TLK2: variants seen among roughly 807,000 people sequenced by gnomAD.
TLK2 encodes the protein serine/threonine-protein kinase tousled-like 2.
In TLK2, 6 loss-of-function variants were observed where a neutral mutation model predicts 117.3. The observed-to-expected ratio is 0.05, with a 90% CI of 0.03 to 0.10. The LOEUF (loss-of-function observed/expected upper bound fraction) is 0.10. Ranked by LOEUF, TLK2 falls within the 10% of genes least tolerant of loss-of-function variation. The pLI, the probability that TLK2 is intolerant of heterozygous loss-of-function variation, is 1.00. For synonymous variants in TLK2, 257 were observed against 316.7 expected, an observed-to-expected ratio of 0.81 and a Z score of 2.00; for missense variants, 299 against 901.2, an observed-to-expected ratio of 0.33 and a Z score of 8.56.
intron 16 of TLK2, among the ~76,000 whole-genome samples, chr17:62,589,283 T>C (rs910144484): frequency 7.2e-5 from 11 of 152,236 alleles, no homozygotes; most frequent in Non-Finnish European, 1.3e-4. Flanking sequence ...CTTAAAATTA[T>C]TTGCAGAAGT....
At chr17:62,518,978 G>A (rs951921650) in intron 2 of TLK2, among the ~76,000 whole-genome samples, 23 of 152,098 alleles carry the variant, frequency 1.5e-4, no homozygotes, top group African/African-American at 4.8e-4. Flanking sequence ...TCTACTTCTC[G>A]GGCTCAAGCG....
At chr17:62,564,287 C>T (rs543774403) in intron 10 of TLK2, among the ~76,000 whole-genome samples, 1 of 152,230 alleles carries the variant, frequency 6.6e-6, no homozygotes, top group East Asian at 1.9e-4. Context: ...CCTGTAATCT[C>T]AGCACTTTGG....
intron 7 of TLK2, among the ~76,000 whole-genome samples, chr17:62,541,927 GT>G (rs1324395018): frequency 1.3e-5 from 2 of 152,152 alleles, no homozygotes; most frequent in Non-Finnish European, 2.9e-5. Context: ...AAGACTATCT[GT>G]TTGTACAAAG....
At chr17:62,562,363 CA>C (rs1213285252) in intron 10 of TLK2, among the ~76,000 whole-genome samples, 6 of 151,916 alleles carry the variant, frequency 3.9e-5, no homozygotes, top group African/African-American at 1.2e-4. Flanking sequence ...TGTCTCAAAA[CA>C]AAAAACACAC....
intron 11 of TLK2, among the ~76,000 whole-genome samples, chr17:62,572,016 A>G (rs1417649056): frequency 6.6e-6 from 1 of 151,944 alleles, no homozygotes; most frequent in East Asian, 1.9e-4. Flanking sequence ...AAAACAATAC[A>G]AAAATTAACT....
At chr17:62,534,969 A>T (rs920299707) in intron 6 of TLK2, among the ~76,000 whole-genome samples, 1 of 143,712 alleles carries the variant, frequency 7.0e-6, no homozygotes, top group Non-Finnish European at 1.5e-5. Context: ...GCTCACTGCA[A>T]CTTCCGCCTC....
intron 21 of TLK2, 85 bp from the exon 22 acceptor site, chr17:62,612,307 C>T: frequency 6.9e-7 from 1 of 1,446,756 alleles, no homozygotes. Context: ...TGCTCTGGGC[C>T]CTGGCAGCCG....
chr17:62,518,380 A>G (rs1338956573), intron 2 of TLK2, among the ~76,000 whole-genome samples: 2 of 152,194 alleles, frequency 1.3e-5, no homozygotes, highest in Non-Finnish European at 2.9e-5. Flanking sequence ...TACAAATGCT[A>G]TGATTTTATA....
At chr17:62,555,021 TAC>T (rs773654674) in intron 9 of TLK2, among the ~76,000 whole-genome samples, 28 of 151,384 alleles carry the variant, frequency 1.8e-4, no homozygotes, top group Admixed American at 9.2e-4. Flanking sequence ...TGTGTATATA[TAC>T]ACACACACAC....
At chr17:62,515,548 G>A (rs1463385576) in intron 2 of TLK2, among the ~76,000 whole-genome samples, 1 of 152,150 alleles carries the variant, frequency 6.6e-6, no homozygotes, top group Non-Finnish European at 1.5e-5. Context: ...ATGTGAGGCG[G>A]TGTCTTTTTG....
At chr17:62,547,382 G>T (rs1389885335) in intron 7 of TLK2, among the ~76,000 whole-genome samples, 20 of 150,186 alleles carry the variant, frequency 1.3e-4, no homozygotes. Flanking sequence ...TTGTTTTCCA[G>T]TTTGGCATTT....
chr17:62,607,012 CTT>C (rs10680028), intron 20 of TLK2, among the ~76,000 whole-genome samples: 3 of 123,566 alleles, frequency 2.4e-5, no homozygotes, highest in African/African-American at 8.9e-5. Flanking sequence ...TCTCCTTGGT[CTT>C]TTTTTTTTTT....
At chr17:62,584,107 G>GTTTTT (rs572000997) in intron 15 of TLK2, among the ~76,000 whole-genome samples, 335 of 78,518 alleles carry the variant, frequency 4.3e-3, no homozygotes, top group Middle Eastern at 0.01. Flanking sequence ...TTCTTTTGTG[G>GTTTTT]TTTTTTTTTT....
intron 7 of TLK2, among the ~76,000 whole-genome samples, chr17:62,548,565 G>T (rs1469883216): frequency 1.3e-5 from 2 of 151,922 alleles, no homozygotes; most frequent in African/African-American, 2.4e-5. Flanking sequence ...ACAGGCATGA[G>T]CCACTGCACC....
intron 7 of TLK2, among the ~76,000 whole-genome samples, chr17:62,545,776 C>T (rs1013357500): frequency 6.6e-6 from 1 of 151,968 alleles, no homozygotes; most frequent in African/African-American, 2.4e-5. Flanking sequence ...AATTGTGGCT[C>T]ACTACAGCCT....
At chr17:62,522,961 A>T (rs574976089) in intron 4 of TLK2, among the ~76,000 whole-genome samples, 173 bp from the exon 5 acceptor site, 1 of 152,176 alleles carries the variant, frequency 6.6e-6, no homozygotes, top group East Asian at 1.9e-4. Flanking sequence ...CCTTTATTTT[A>T]TGGAGGAAAT....
At chr17:62,532,889 A>G (rs2076839467) in intron 6 of TLK2, among the ~76,000 whole-genome samples, 1 of 152,212 alleles carries the variant, frequency 6.6e-6, no homozygotes, top group Admixed American at 6.5e-5. Context: ...ATGTCATCAC[A>G]TAAATTGCTA....
chr17:62,479,550 A>T (rs1449914634), intron 1 of TLK2, among the ~76,000 whole-genome samples: 5 of 151,954 alleles, frequency 3.3e-5, no homozygotes. Context: ...GCCCCCAGGC[A>T]GCTGGAGGCC....
chr17:62,486,669 G>T (rs2072430917), intron 2 of TLK2, among the ~76,000 whole-genome samples: 1 of 152,192 alleles, frequency 6.6e-6, no homozygotes, highest in Non-Finnish European at 1.5e-5. Context: ...ACCCTTGCAT[G>T]CATTGTTACT....
Sources: allele counts gnomAD v4.1 joint callset (sites outside exome capture counted in the v4.1 genomes callset), GRCh38; gene constraint gnomAD v4.1.1; transcripts MANE v1.5; gene names NCBI Gene and HGNC (gene_info 2026-07-23, HGNC 2026-07-21).